The following ARHGEF10 variants were observed in gnomAD, a reference collection of about 807,000 sequenced individuals.
ARHGEF10 encodes the protein Rho guanine nucleotide exchange factor 10.
A neutral mutation model predicts 147.4 loss-of-function variants in ARHGEF10; 140 were observed. The observed-to-expected ratio is 0.95, with a 90% confidence interval of 0.83 to 1.09. The LOEUF is 1.09. Ranked by LOEUF, ARHGEF10 falls within the 50% of genes least tolerant of loss-of-function variation. The pLI is 0.00. For missense variants in ARHGEF10, 2,222 were observed against 1,752.7 expected, an observed-to-expected ratio of 1.27 and a Z score of -4.78; for synonymous variants, 902 against 695.8, an observed-to-expected ratio of 1.30 and a Z score of -4.67.
chr8:1,879,926 C>T, intron 8 of ARHGEF10, 122 bp from the exon 9 acceptor site: 1 of 787,244 alleles, frequency 1.3e-6, no homozygotes, highest in Non-Finnish European at 2.3e-6. Context: ...TCCCAGAAGC[C>T]CCCAGCCAGG....
At chr8:1,846,727 C>T (rs1181399044) in intron 2 of ARHGEF10, among the ~76,000 whole-genome samples, 1 of 152,126 alleles carries the variant, frequency 6.6e-6, no homozygotes, top group Non-Finnish European at 1.5e-5. Flanking sequence ...TAGACACCTG[C>T]CACCATGCCC....
At chr8:1,925,191 A>G (rs1812589417) in intron 21 of ARHGEF10, 92 bp from the exon 22 acceptor site, 2 of 1,546,404 alleles carry the variant, frequency 1.3e-6, no homozygotes, top group African/African-American at 1.4e-5. Context: ...ACAGAATGCC[A>G]GAAACTTCCC....
At chr8:1,908,378 C>G (rs1348118276) in intron 17 of ARHGEF10, among the ~76,000 whole-genome samples, 1 of 151,862 alleles carries the variant, frequency 6.6e-6, no homozygotes, top group Non-Finnish European at 1.5e-5. Context: ...CTACAGGCAC[C>G]CACCACCACA....
intron 28 of ARHGEF10, among the ~76,000 whole-genome samples, chr8:1,954,627 G>C (rs1815331524): frequency 6.6e-6 from 1 of 152,200 alleles, no homozygotes; most frequent in Non-Finnish European, 1.5e-5. Flanking sequence ...AAGGGGCTGT[G>C]ACTCACACAC....
chr8:1,899,219 T>G (rs573946528), intron 15 of ARHGEF10, among the ~76,000 whole-genome samples: 1 of 152,304 alleles, frequency 6.6e-6, no homozygotes, highest in African/African-American at 2.4e-5. Flanking sequence ...CCTTCCCACA[T>G]AACCTGGAGC....
chr8:1,954,269 T>G (rs1308193689), intron 28 of ARHGEF10, among the ~76,000 whole-genome samples: 1 of 151,994 alleles, frequency 6.6e-6, no homozygotes, highest in East Asian at 1.9e-4. Flanking sequence ...AATTTTTGTA[T>G]TTTTAGTAGA....
At chr8:1,947,153 G>A (rs1277292837) in intron 27 of ARHGEF10, among the ~76,000 whole-genome samples, 2 of 152,156 alleles carry the variant, frequency 1.3e-5, no homozygotes, top group South Asian at 2.1e-4. Flanking sequence ...AGTCACATCC[G>A]TAATTGCCAA....
At chr8:1,950,235 G>C (rs1212922016) in intron 27 of ARHGEF10, among the ~76,000 whole-genome samples, 1 of 152,180 alleles carries the variant, frequency 6.6e-6, no homozygotes, top group African/African-American at 2.4e-5. Context: ...TCTGGGACAC[G>C]CCCTGCTGTC....
intron 1 of ARHGEF10, among the ~76,000 whole-genome samples, chr8:1,835,890 C>A (rs1803549791): frequency 1.3e-5 from 2 of 152,174 alleles, no homozygotes; most frequent in Admixed American, 6.5e-5. Flanking sequence ...TTGTTTAAAA[C>A]CACAATCCAG....
At chr8:1,888,411 T>TC (rs1808977328) in intron 11 of ARHGEF10, among the ~76,000 whole-genome samples, 1 of 125,210 alleles carries the variant, frequency 8.0e-6, no homozygotes, top group African/African-American at 3.2e-5. Context: ...GGGGTGAGAG[T>TC]TGTGAGGAGA....
upstream of ARHGEF10, among the ~76,000 whole-genome samples, chr8:1,823,360 A>G (rs1215849183): frequency 7.5e-6 from 1 of 133,808 alleles, no homozygotes; most frequent in Non-Finnish European, 1.6e-5. Flanking sequence ...GGACGGAGGG[A>G]CGGGGGCTCA....
chr8:1,910,897 C>T (rs1311831041), intron 18 of ARHGEF10, among the ~76,000 whole-genome samples: 1 of 152,102 alleles, frequency 6.6e-6, no homozygotes, highest in African/African-American at 2.4e-5. Flanking sequence ...AGTATGTATT[C>T]CATGCAATGT....
intron 15 of ARHGEF10, among the ~76,000 whole-genome samples, chr8:1,901,241 T>G (rs533140552): frequency 6.6e-6 from 1 of 152,218 alleles, no homozygotes; most frequent in East Asian, 1.9e-4. Context: ...CCGTAGTCCG[T>G]GTGCTGAGTG....
intron 1 of ARHGEF10, among the ~76,000 whole-genome samples, chr8:1,839,948 G>C (rs1210197169): frequency 6.6e-6 from 1 of 150,680 alleles, no homozygotes. Context: ...TGTGGGGACT[G>C]TCCGGTGTGG....
At position 1,933,833 on chromosome 8, in the gene ARHGEF10, T is replaced by A; in HGVS notation, c.3113T>A (p.Ile1038Asn). 5.6e-6 allele frequency: 9 copies of A among 1,614,186 alleles called. No individual in the cohort carries two copies. Among genetic ancestry groups the A allele is most frequent in the African/African-American group, 1.3e-5 (1 of 75,052 alleles). The stretch of plus-strand genomic sequence containing the variant: ...TGGGATTCAGAACCTCAAAAAGTGA[T>A]CAAGTTAGGCGTCCTACCAGTTAGA... ...GSWDSEPQKVIKLGVLPVRSL... is the reference protein window; with the variant it reads ...GSWDSEPQKVNKLGVLPVRSL... The change falls in exon 26 of 29, where the codon ATC (isoleucine) becomes AAC (asparagine). Residue 1038 changes from isoleucine to asparagine, a missense_variant. Ile to Asn is a moderately radical substitution (Grantham distance 149). Transcript: ENST00000349830.
intron 23 of ARHGEF10, chr8:1,926,766 G>C (rs1812724292): frequency 4.9e-6 from 2 of 412,100 alleles, no homozygotes; most frequent in East Asian, 1.0e-4. Flanking sequence ...TTCCATTTTG[G>C]TGTCAACATT....
intron 18 of ARHGEF10, among the ~76,000 whole-genome samples, chr8:1,911,270 GT>G (rs1423272671): frequency 1.3e-5 from 2 of 151,062 alleles, no homozygotes; most frequent in East Asian, 3.9e-4. Context: ...ATATGATTGT[GT>G]TTTGCATACC....
Position 1,925,414 on chromosome 8 carries a change from G to GGC in ARHGEF10, c.2610+11_2610+12dup. 2 of 1,613,846 alleles carry GGC rather than the reference G, an allele frequency of 1.2e-6. No homozygotes were observed. Among genetic ancestry groups the GGC allele is most frequent in the African/African-American group, 2.7e-5 (2 of 75,048 alleles). On this transcript the variant is annotated intron_variant, in intron 22 of 28. Transcript: ENST00000349830. ...GCAGCAGGAGTTCAAGGTGAAGGGA[G>GGC]GCAGGGCCCGCGGCCCGGGGTGGGA...
At chr8:1,905,510 C>A in intron 16 of ARHGEF10, 61 bp from the exon 17 acceptor site, 1 of 1,609,130 alleles carries the variant, frequency 6.2e-7, no homozygotes, top group Non-Finnish European at 8.5e-7. Context: ...GACTTCTCCT[C>A]ATCTTTTTCT....
Sources: gnomAD v4.1 joint callset for allele counts (sites outside exome capture counted in the v4.1 genomes callset) on GRCh38, gnomAD v4.1.1 for gene constraint, MANE v1.5 for transcripts, NCBI Gene and HGNC (gene_info 2026-07-23, HGNC 2026-07-21) for gene names.